Variants in B3GLCT observed in about 807,000 individuals in gnomAD.
The protein encoded by B3GLCT is beta-1,3-glucosyltransferase.
B3GLCT carries 65 observed loss-of-function variants against 63.4 expected under a neutral mutation model. That is an observed-to-expected ratio of 1.03 (90% CI 0.84 to 1.26). The LOEUF (loss-of-function observed/expected upper bound fraction) is 1.26. Ranked by LOEUF, B3GLCT falls within the 50% of genes most tolerant of loss-of-function variation. The pLI is 0.00. For synonymous variants in B3GLCT, 233 were observed against 219.2 expected, an observed-to-expected ratio of 1.06 and a Z score of -0.55; for missense variants, 577 against 604.8, an observed-to-expected ratio of 0.95 and a Z score of 0.48.
At chr13:31,323,100 T>C (rs1256201568) in intron 13 of B3GLCT, among the ~76,000 whole-genome samples, 1 of 152,210 alleles carries the variant, frequency 6.6e-6, no homozygotes, top group Non-Finnish European at 1.5e-5. Context: ...TTCTGCACTG[T>C]TGCAGGGGAC....
chr13:31,273,972 C>T (rs1425153509), intron 8 of B3GLCT, among the ~76,000 whole-genome samples: 2 of 152,202 alleles, frequency 1.3e-5, no homozygotes, highest in Non-Finnish European at 2.9e-5. Flanking sequence ...AGAAACTCAG[C>T]CTTGCCAGAG....
At chr13:31,325,031 G>A (rs142281763) in intron 14 of B3GLCT, among the ~76,000 whole-genome samples, 1 of 152,234 alleles carries the variant, frequency 6.6e-6, no homozygotes, top group Non-Finnish European at 1.5e-5. Flanking sequence ...TTGGTAACCA[G>A]TAGCAAACAT....
At chr13:31,215,893 C>A (rs545652953) in intron 2 of B3GLCT, among the ~76,000 whole-genome samples, 11 of 152,130 alleles carry the variant, frequency 7.2e-5, no homozygotes, top group Non-Finnish European at 2.9e-5. Context: ...AGAGTCAGAA[C>A]CAGAAAGCTA....
Position 31,274,616 on chromosome 13 carries a change from T to A in B3GLCT, c.768T>A (p.Phe256Leu), listed in dbSNP as rs1234582649. Residue 256 changes from phenylalanine (F) to leucine (L), a missense_variant, in exon 9 of 15, where the codon TTT becomes TTA. Coordinates refer to ENST00000343307, the MANE Select transcript of B3GLCT (RefSeq NM_194318.4). ...DFYCATTFHSFLPLCRKPVKK... is the reference protein window; with the variant it reads ...DFYCATTFHSLLPLCRKPVKK... ...ACTGTGCTACCACATTCCATTCTTT[T>A]CTACCGCTTTGTGTGAGTAACAGAA... The A allele has an allele frequency of 6.2e-7, 1 of 1,614,232 alleles. No homozygotes were observed. Among genetic ancestry groups the A allele is most frequent in the Middle Eastern group, 1.6e-4 (1 of 6,062 alleles).
intron 3 of B3GLCT, among the ~76,000 whole-genome samples, chr13:31,225,170 A>G (rs554999734): frequency 6.6e-6 from 1 of 152,166 alleles, no homozygotes; most frequent in Non-Finnish European, 1.5e-5. Context: ...CGGCCCATTT[A>G]TTGCCCATTC....
intron 4 of B3GLCT, among the ~76,000 whole-genome samples, chr13:31,237,718 G>A (rs1225223963): frequency 6.6e-6 from 1 of 152,170 alleles, no homozygotes; most frequent in Non-Finnish European, 1.5e-5. Flanking sequence ...GTCAGCTGTG[G>A]GAGCTGAGAA....
chr13:31,257,012 A>G (rs1455308515), intron 6 of B3GLCT, among the ~76,000 whole-genome samples: 1 of 152,220 alleles, frequency 6.6e-6, no homozygotes, highest in Non-Finnish European at 1.5e-5. Flanking sequence ...AATCATTAAT[A>G]AAGTCATTAA....
At chr13:31,234,800 G>A (rs1170367180) in intron 4 of B3GLCT, among the ~76,000 whole-genome samples, 1 of 152,124 alleles carries the variant, frequency 6.6e-6, no homozygotes, top group Non-Finnish European at 1.5e-5. Flanking sequence ...AATACATGTA[G>A]CAGTGACCCT....
chr13:31,274,550 G>A lies in B3GLCT; in HGVS notation c.702G>A (p.Leu234=). Residue 234 remains leucine, a synonymous_variant, in exon 9 of 15, where the codon CTG becomes CTA. Transcript: ENST00000343307. ...YIWDKGGGPP[L]TPVPEFCTND... ...GGGACAAAGGCGGAGGACCTCCCCT[G>A]ACCCCAGTGCCTGAGTTTTGTACCA... The A allele has an allele frequency of 1.2e-6, 2 of 1,614,160 alleles. No homozygotes were observed. Among genetic ancestry groups the A allele is most frequent in the Non-Finnish European group, 1.7e-6 (2 of 1,180,010 alleles).
chr13:31,328,657 C>T (rs1008224286), intron 14 of B3GLCT, among the ~76,000 whole-genome samples: 2 of 123,936 alleles, frequency 1.6e-5, no homozygotes, highest in African/African-American at 3.1e-5. Context: ...TGCCCCACTG[C>T]ACTCCAGCCT....
At chr13:31,329,448 A>G in intron 14 of B3GLCT, 53 bp from the exon 15 acceptor site, 2 of 1,604,754 alleles carry the variant, frequency 1.2e-6, no homozygotes, top group Non-Finnish European at 1.7e-6. Context: ...GCTCTTCTGC[A>G]GCAAAATTAT....
chr13:31,329,891 C>A lies in B3GLCT; in HGVS notation c.*223C>A. On this transcript the variant is annotated 3_prime_UTR_variant, in exon 15 of 15. Transcript: ENST00000343307. Reference sequence around the variant, plus strand: ...AAAAATCACTTGCTTTTGACTTATGCAGTTGTTTTAACACTTAGTGATGAC... The same window carrying A: ...AAAAATCACTTGCTTTTGACTTATGAAGTTGTTTTAACACTTAGTGATGAC... 1.8e-6 allele frequency: 1 copy of A among 562,708 alleles called. No individual in the cohort carries two copies. Among genetic ancestry groups the A allele is most frequent in the South Asian group, 2.0e-5 (1 of 50,020 alleles). The allele number at this position is 562,708 out of a possible 1,614,324, so 34.9% of individuals were successfully genotyped here.
In B3GLCT at chr13:31,274,647, A is replaced by G; in HGVS notation, c.780+19A>G. On this transcript the variant is annotated intron_variant, in intron 9 of 14. Transcript: ENST00000343307. ...GCTTTGTGTGAGTAACAGAAGAAAA[A>G]CTTCTTTGCATATCAAAGGAAAAAT... 3.7e-6 allele frequency: 6 copies of G among 1,614,092 alleles called. No homozygotes were observed. Among genetic ancestry groups the G allele is most frequent in the Non-Finnish European group, 5.1e-6 (6 of 1,179,948 alleles).
Position 31,261,071 on chromosome 13 carries a change from A to G in B3GLCT, c.585A>G (p.Pro195=). 1 of 1,612,976 alleles carries G rather than the reference A, an allele frequency of 6.2e-7. No homozygotes were observed. Among genetic ancestry groups the G allele is most frequent in the Non-Finnish European group, 8.5e-7 (1 of 1,179,728 alleles). Residue 195 remains proline, a synonymous_variant, in exon 7 of 15, where the codon CCA becomes CCG. Coordinates refer to ENST00000343307, the MANE Select transcript of B3GLCT (RefSeq NM_194318.4). ...CTGCAGGCTGGGCCTTAAGTATTCC[A>G]CTTGTAAACAAGTAAGAATTTATTG... ...DFAAGWALSI[P]LVNKLTKRLK...
intron 1 of B3GLCT, among the ~76,000 whole-genome samples, chr13:31,205,369 C>T (rs1236144890): frequency 6.6e-6 from 1 of 151,564 alleles, no homozygotes; most frequent in African/African-American, 2.4e-5. Flanking sequence ...CCAGCCTGGC[C>T]AACAAGGTGA....
rs34638481 is a variant in B3GLCT, at chr13:31,317,606, G to A, written c.1105G>A (p.Gly369Ser). 0.026 allele frequency: 42,486 copies of A among 1,613,940 alleles called. 717 individuals are homozygous for A. Among genetic ancestry groups the A allele is most frequent in the Middle Eastern group, 0.046 (281 of 6,062 alleles). The change falls in exon 13 of 15, where the codon GGC becomes AGC. Residue 369 changes from glycine to serine, a missense_variant. Physicochemically the swap from Gly to Ser is moderately conservative, Grantham distance 56 (BLOSUM62 0). Transcript: ENST00000343307. ...GCACTTGCTTAGCTGTTATGACTCC[G>A]GCGAGCCTGTGTTTCTGGGAGAGCG... ...LQHLLSCYDS[G>S]EPVFLGERYG...
intron 12 of B3GLCT, among the ~76,000 whole-genome samples, chr13:31,301,548 G>A (rs559021717): frequency 3.3e-4 from 50 of 152,248 alleles, no homozygotes; most frequent in African/African-American, 9.9e-4. Flanking sequence ...CCTAACAACC[G>A]TTACACTTTT....
rs141794746 is a variant in B3GLCT at position 31,274,536 on chromosome 13, G to A, written c.688G>A (p.Gly230Arg). 108 of 1,614,180 alleles carry A rather than the reference G, an allele frequency of 6.7e-5. No homozygotes were observed. In the African/African-American group the frequency reaches 7.7e-4, roughly 12 times the overall value. ...EIALYIWDKG[G>R]GPPLTPVPEF... ...TGCCCTCTACATCTGGGACAAAGGC[G>A]GAGGACCTCCCCTGACCCCAGTGCC... The change falls in exon 9 of 15, where the codon GGA becomes AGA. Residue 230 changes from glycine (G) to arginine (R), a missense_variant. Transcript: ENST00000343307.
intron 13 of B3GLCT, among the ~76,000 whole-genome samples, chr13:31,319,981 T>C (rs1334982447): frequency 1.3e-5 from 2 of 152,168 alleles, no homozygotes; most frequent in Admixed American, 6.5e-5. Context: ...CCATTTTATT[T>C]CCTAAATCTC....
Sources: allele counts gnomAD v4.1 joint callset (sites outside exome capture counted in the v4.1 genomes callset), GRCh38; gene constraint gnomAD v4.1.1; transcripts MANE v1.5; gene names NCBI Gene and HGNC (gene_info 2026-07-23, HGNC 2026-07-21).